The following LHFPL3 variants were observed in gnomAD, a reference collection of about 807,000 sequenced individuals.
LHFPL3 encodes LHFPL tetraspan subfamily member 3.
A neutral mutation model predicts 19.3 loss-of-function variants in LHFPL3; 5 were observed. That is an observed-to-expected ratio of 0.26 (90% CI 0.14 to 0.54). The LOEUF (loss-of-function observed/expected upper bound fraction) is 0.54, where lower values mean the gene tolerates loss of function less well. Ranked by LOEUF, LHFPL3 falls within the 20% of genes least tolerant of loss-of-function variation. The pLI is 0.94. For synonymous variants in LHFPL3, 133 were observed against 126.2 expected (o/e 1.05, Z -0.36); for missense variants, 249 against 307.4 (o/e 0.81, Z 1.42).
intron 1 of LHFPL3, among the ~76,000 whole-genome samples, chr7:104,686,068 A>G (rs1025408230): frequency 6.6e-6 from 1 of 152,258 alleles, no homozygotes. Context: ...ATTTGAAAGA[A>G]CTATAAATAA....
At chr7:104,737,776 G>T (rs779886994) in intron 2 of LHFPL3, among the ~76,000 whole-genome samples, 7 of 152,192 alleles carry the variant, frequency 4.6e-5, no homozygotes, top group Non-Finnish European at 7.4e-5. Flanking sequence ...ACCTTTAGCT[G>T]AGTGGCTCCT....
intron 1 of LHFPL3, among the ~76,000 whole-genome samples, chr7:104,364,394 G>GACAC (rs143182510): frequency 6.6e-6 from 1 of 151,974 alleles, no homozygotes; most frequent in Non-Finnish European, 1.5e-5. Context: ...ATTAACCATT[G>GACAC]ACACACACAC....
chr7:104,329,054 GC>G lies in LHFPL3; in HGVS notation c.276del (p.Ser93AlafsTer24). 1 of 1,614,030 alleles carries G rather than the reference GC, an allele frequency of 6.2e-7. No individual in the cohort carries two copies. The highest frequency in any genetic ancestry group is 8.5e-7 in the Non-Finnish European group (1 of 1,179,894). On this transcript the variant is annotated frameshift_variant, in exon 1 of 3. Coordinates refer to ENST00000424859, the MANE Select transcript of LHFPL3 (RefSeq NM_199000.3). LOFTEE classifies it high-confidence loss of function. ...NGFSRELTCRGSFTDFSTLPS... is the reference protein window; with the variant it reads ...NGFSRELTCRXSFTDFSTLPS... Reference sequence around the variant, plus strand: ...TTCTCCCGGGAGCTGACCTGCAGGGGCAGCTTCACGGACTTCTCCACGCTGC... The same window carrying G: ...TTCTCCCGGGAGCTGACCTGCAGGGGAGCTTCACGGACTTCTCCACGCTGC...
intron 1 of LHFPL3, among the ~76,000 whole-genome samples, chr7:104,391,579 T>A (rs1791069613): frequency 6.6e-6 from 1 of 152,246 alleles, no homozygotes; most frequent in Non-Finnish European, 1.5e-5. Flanking sequence ...GCTGTTTTGG[T>A]TACTGTAGCC....
chr7:104,792,613 T>C (rs1396893108), intron 2 of LHFPL3, among the ~76,000 whole-genome samples: 1 of 152,214 alleles, frequency 6.6e-6, no homozygotes, highest in Non-Finnish European at 1.5e-5. Context: ...TTGTTTTTGC[T>C]ACTATAACTT....
intron 1 of LHFPL3, among the ~76,000 whole-genome samples, chr7:104,525,291 C>G (rs192055052): frequency 6.6e-6 from 1 of 152,262 alleles, no homozygotes; most frequent in East Asian, 1.9e-4. Context: ...GACATAATGG[C>G]ATCAGGCATT....
chr7:104,665,785 T>C (rs1209811451), intron 1 of LHFPL3, among the ~76,000 whole-genome samples: 1 of 152,256 alleles, frequency 6.6e-6, no homozygotes, highest in Non-Finnish European at 1.5e-5. Flanking sequence ...TTGACCTGTT[T>C]TGTGTCTGAC....
chr7:104,897,365 C>T (rs1792387721), intron 2 of LHFPL3, among the ~76,000 whole-genome samples: 1 of 152,100 alleles, frequency 6.6e-6, no homozygotes, highest in Admixed American at 6.6e-5. Context: ...AGTCCGCTTC[C>T]CTTTGGTCTA....
chr7:104,370,540 A>G lies in LHFPL3; in HGVS notation c.445+41316A>G, dbSNP rs185017873. ...GGGGTGGGTTTGAAGCTAAGAAACA[A>G]TAGTTTAATAACGTGCACAGGTAGG... is the stretch of plus-strand genomic sequence containing the variant. On this transcript the variant is annotated intron_variant, in intron 1 of 2. Transcript: ENST00000424859. Among the ~76,000 whole-genome samples, 74 of 152,262 alleles carry G rather than the reference A, an allele frequency of 4.9e-4. 1 individual carries two copies. The South Asian group carries it at 8.5e-3, about 18-fold the overall frequency.
chr7:104,781,651 G>A (rs1342705943), intron 2 of LHFPL3, among the ~76,000 whole-genome samples: 8 of 151,732 alleles, frequency 5.3e-5, no homozygotes, highest in Non-Finnish European at 7.4e-5. Flanking sequence ...TTCTCCTTCC[G>A]CCTCTACCTT....
chr7:104,450,490 G>C (rs567227559), intron 1 of LHFPL3, among the ~76,000 whole-genome samples: 18 of 152,152 alleles, frequency 1.2e-4, no homozygotes, highest in Admixed American at 2.6e-4. Context: ...ACAAAACACT[G>C]CATGTTCTCA....
chr7:104,363,368 G>A (rs750153897), intron 1 of LHFPL3, among the ~76,000 whole-genome samples: 4 of 152,342 alleles, frequency 2.6e-5, no homozygotes, highest in South Asian at 2.1e-4. Context: ...AATTATAAAT[G>A]GTTTCTGATT....
intron 1 of LHFPL3, among the ~76,000 whole-genome samples, chr7:104,340,408 TTTC>T (rs1290255813): frequency 6.6e-6 from 1 of 152,162 alleles, no homozygotes; most frequent in African/African-American, 2.4e-5. Context: ...TAAAATATAT[TTTC>T]TTCGTTCTTA....
rs567182465 is a variant in LHFPL3 at position 104,585,720 on chromosome 7, C to T, written c.446-150955C>T. Among the ~76,000 whole-genome samples the T allele has an allele frequency of 4.6e-5, 7 of 152,226 alleles. No individual in the cohort carries two copies. The South Asian group carries it at 1.5e-3, about 32-fold the overall frequency. The stretch of plus-strand genomic sequence containing the variant: ...GAAATGAAAAGTTATTAAACTAAGA[C>T]TGCAGGGGAATGCAGAGGAATGCTC... On this transcript the variant is annotated intron_variant, in intron 1 of 2. Coordinates refer to ENST00000424859, the MANE Select transcript of LHFPL3 (RefSeq NM_199000.3).
At chr7:104,803,041 T>C (rs1473927605) in intron 2 of LHFPL3, 2 of 152,250 alleles carry the variant, frequency 1.3e-5, no homozygotes, top group African/African-American at 4.8e-5. Flanking sequence ...CTAACCTCAA[T>C]CTTACATATC....
chr7:104,522,972 CTGTG>C (rs10541183), intron 1 of LHFPL3, among the ~76,000 whole-genome samples: 14 of 150,626 alleles, frequency 9.3e-5, no homozygotes, highest in African/African-American at 2.4e-4. Flanking sequence ...CTATATATAT[CTGTG>C]TGTGTGTGTG....
At chr7:104,451,669 T>A (rs1362068936) in intron 1 of LHFPL3, among the ~76,000 whole-genome samples, 1 of 152,244 alleles carries the variant, frequency 6.6e-6, no homozygotes. Flanking sequence ...AGAGCATACA[T>A]TCTATTTTTT....
intron 1 of LHFPL3, among the ~76,000 whole-genome samples, chr7:104,604,163 T>C (rs1791043309): frequency 6.6e-6 from 1 of 152,212 alleles, no homozygotes. Context: ...CCACAGCTCA[T>C]GCACTCTGCA....
chr7:104,845,170 C>A (rs1584571927), intron 2 of LHFPL3, among the ~76,000 whole-genome samples: 1 of 152,312 alleles, frequency 6.6e-6, no homozygotes, highest in East Asian at 1.9e-4. Flanking sequence ...GGTCCTACAG[C>A]CAGCAAGTAG....
Sources: allele counts gnomAD v4.1 joint callset (sites outside exome capture counted in the v4.1 genomes callset), GRCh38; gene constraint gnomAD v4.1.1; transcripts MANE v1.5; gene names NCBI Gene and HGNC (gene_info 2026-07-23, HGNC 2026-07-21).